EPSTI1: variants seen among roughly 807,000 people sequenced by gnomAD.
The protein encoded by EPSTI1 is epithelial-stromal interaction protein 1.
Under a neutral mutation model 49.9 loss-of-function variants are expected in EPSTI1, and 66 were observed. That is an observed-to-expected ratio of 1.32 (90% CI 1.08 to 1.62). EPSTI1 has a LOEUF of 1.62. Ranked by LOEUF, EPSTI1 falls within the 40% of genes most tolerant of loss-of-function variation. EPSTI1 has a pLI of 0.00. For missense variants in EPSTI1, 394 were observed against 365.5 expected (o/e 1.08, Z -0.64); for synonymous variants, 137 against 130.7 (o/e 1.05, Z -0.33).
intron 10 of EPSTI1, among the ~76,000 whole-genome samples, chr13:42,893,004 G>A (rs1395710616): frequency 6.6e-6 from 1 of 152,166 alleles, no homozygotes; most frequent in Non-Finnish European, 1.5e-5. Context: ...AAAAGAGGAA[G>A]ATTGAGAAAT....
intron 1 of EPSTI1, among the ~76,000 whole-genome samples, chr13:42,975,460 T>G (rs1358650814): frequency 6.6e-6 from 1 of 152,204 alleles, no homozygotes; most frequent in Non-Finnish European, 1.5e-5. Flanking sequence ...CACAACTCAT[T>G]GCCTCTGTTA....
chr13:42,909,798 C>T (rs142384378), intron 8 of EPSTI1, among the ~76,000 whole-genome samples: 2 of 151,970 alleles, frequency 1.3e-5, no homozygotes, highest in Non-Finnish European at 2.9e-5. Context: ...TGGTGAAGTA[C>T]AGGGAGATAT....
intron 9 of EPSTI1, among the ~76,000 whole-genome samples, chr13:42,897,273 G>A (rs1353890920): frequency 2.0e-5 from 3 of 152,116 alleles, no homozygotes; most frequent in African/African-American, 7.2e-5. Flanking sequence ...CCTCTGCAGT[G>A]AGGCCTTCCT....
chr13:42,970,765 TGATCATTAC>T, intron 1 of EPSTI1, 95 bp from the exon 2 acceptor site: 1 of 911,306 alleles, frequency 1.1e-6, no homozygotes, highest in Non-Finnish European at 1.7e-6. Context: ...ACTGTATTTA[TGATCATTAC>T]CATCAAATAG....
At chr13:42,936,977 T>C (rs1463897109) in intron 6 of EPSTI1, among the ~76,000 whole-genome samples, 1 of 152,156 alleles carries the variant, frequency 6.6e-6, no homozygotes, top group Non-Finnish European at 1.5e-5. Context: ...ATCCCCAATA[T>C]CAATATGTCC....
Position 42,888,415 on chromosome 13 carries a change from C to A in EPSTI1, c.*79G>T, listed in dbSNP as rs1444498755. The A allele has an allele frequency of 6.2e-7, 1 of 1,614,042 alleles. No homozygotes were observed. Among genetic ancestry groups the A allele is most frequent in the Non-Finnish European group, 8.5e-7 (1 of 1,179,988 alleles). On this transcript the variant is annotated 3_prime_UTR_variant, in exon 11 of 11. Coordinates refer to ENST00000313624, the MANE Select transcript of EPSTI1 (RefSeq NM_033255.5). ...TTAAGGTAAAAACAGTGAGGCTGAA[C>A]AAAATCACATTAAGAAAAAGCATCT...
In EPSTI1 at chr13:42,969,120, G is replaced by A. The variant is rs1451291714; in HGVS notation, c.305C>T (p.Pro102Leu). 3.1e-6 allele frequency: 5 copies of A among 1,614,130 alleles called. No individual in the cohort carries two copies. Among genetic ancestry groups the A allele is most frequent in the Admixed American group, 1.7e-5 (1 of 60,014 alleles). The change falls in exon 3 of 11, where the codon CCG becomes CTG. Residue 102 changes from proline to leucine, a missense_variant. Pro to Leu is a moderately conservative substitution (Grantham distance 98, BLOSUM62 -3). Coordinates refer to ENST00000313624, the MANE Select transcript of EPSTI1 (RefSeq NM_033255.5). ...TAGCCGTCTGGGCACCAGGTGAACC[G>A]GTTTAGCTCTGTTCTGCTCCTTCCA... The part of the protein sequence containing the change: ...EKWKEQNRAK[P>L]VHLVPRRLGG...
rs763700612 is a variant in EPSTI1 at position 42,887,159 on chromosome 13, CCAAA to C, written c.*1331_*1334del. The C allele has an allele frequency of 1.3e-5, 2 of 152,164 alleles. No individual in the cohort carries two copies. Among genetic ancestry groups the C allele is most frequent in the Admixed American group, 6.5e-5 (1 of 15,272 alleles). 9.4% of individuals were successfully genotyped at this position (152,164 alleles called of 1,614,324 possible). A position where few individuals can be genotyped will look rare whatever the true frequency, so the allele number is the denominator to read the frequency against. ...GGCAATGACAAGGATTTCAAATGGA[CCAAA>C]CATTTTATATTAGTGTCAACAGCAC... On this transcript the variant is annotated 3_prime_UTR_variant, in exon 11 of 11. Transcript: ENST00000313624.
chr13:42,901,444 C>A (rs2037349532), intron 8 of EPSTI1, among the ~76,000 whole-genome samples: 1 of 152,176 alleles, frequency 6.6e-6, no homozygotes, highest in African/African-American at 2.4e-5. Context: ...CATTACTTAA[C>A]CCTAATTCCT....
chr13:42,970,456 AT>A (rs1266326861), intron 2 of EPSTI1, 155 bp downstream of exon 2: 11 of 533,986 alleles, frequency 2.1e-5, no homozygotes, highest in Non-Finnish European at 2.9e-5. Context: ...ATAGTAGAAT[AT>A]TTTTAAAGGT....
At chr13:42,909,960 C>G (rs1224787614) in intron 8 of EPSTI1, among the ~76,000 whole-genome samples, 7 of 151,996 alleles carry the variant, frequency 4.6e-5, no homozygotes, top group African/African-American at 1.7e-4. Context: ...GTGCTCTCAC[C>G]ACAAAAATAG....
chr13:42,942,312 C>T (rs1331853183), intron 6 of EPSTI1, among the ~76,000 whole-genome samples: 1 of 152,010 alleles, frequency 6.6e-6, no homozygotes, highest in Non-Finnish European at 1.5e-5. Flanking sequence ...TTTGTGAATG[C>T]TGACTTATTG....
chr13:42,953,439 T>G (rs1376797415), intron 6 of EPSTI1, among the ~76,000 whole-genome samples: 2 of 152,216 alleles, frequency 1.3e-5, no homozygotes, highest in African/African-American at 4.8e-5. Context: ...TTGCCCTGTA[T>G]CTGTTAGCTG....
At chr13:42,944,395 C>T (rs577334378) in intron 6 of EPSTI1, among the ~76,000 whole-genome samples, 155 of 152,256 alleles carry the variant, frequency 1.0e-3, no homozygotes, top group African/African-American at 3.2e-3. Context: ...TGGAAACCAT[C>T]GTTCTCAGAA....
chr13:42,956,654 C>T (rs757094614), intron 5 of EPSTI1, among the ~76,000 whole-genome samples: 5 of 152,144 alleles, frequency 3.3e-5, no homozygotes, highest in Admixed American at 2.0e-4. Context: ...CAGAATTGAC[C>T]GCCTGGATGG....
chr13:42,965,587 T>C (rs1201280676), intron 3 of EPSTI1, among the ~76,000 whole-genome samples: 1 of 152,186 alleles, frequency 6.6e-6, no homozygotes, highest in African/African-American at 2.4e-5. Context: ...AAAGATGTCA[T>C]TCTGAATTCT....
intron 6 of EPSTI1, among the ~76,000 whole-genome samples, chr13:42,930,687 C>A (rs1267254562): frequency 6.6e-6 from 1 of 152,060 alleles, no homozygotes; most frequent in Non-Finnish European, 1.5e-5. Flanking sequence ...AAAAGCAATA[C>A]ATAAATACGA....
intron 1 of EPSTI1, among the ~76,000 whole-genome samples, chr13:42,978,982 C>G (rs557586187): frequency 6.5e-4 from 99 of 152,038 alleles, no homozygotes; most frequent in Non-Finnish European, 1.1e-3. Context: ...TGATTCTTTC[C>G]TTTGAATAAT....
intron 6 of EPSTI1, among the ~76,000 whole-genome samples, chr13:42,931,919 G>C (rs879713687): frequency 6.6e-6 from 1 of 152,148 alleles, no homozygotes; most frequent in Non-Finnish European, 1.5e-5. Context: ...ACACCTAGAA[G>C]TAGAATTTTA....
Sources: allele counts gnomAD v4.1 joint callset (sites outside exome capture counted in the v4.1 genomes callset), GRCh38; gene constraint gnomAD v4.1.1; transcripts MANE v1.5; gene names NCBI Gene and HGNC (gene_info 2026-07-23, HGNC 2026-07-21).